The following ELF2 variants were observed in gnomAD, a reference collection of about 807,000 sequenced individuals.
ELF2 encodes the protein E74 like ETS transcription factor 2.
In ELF2, 11 loss-of-function variants were observed where a neutral mutation model predicts 54.8. That is an observed-to-expected ratio of 0.20 (90% CI 0.13 to 0.33). The LOEUF is 0.33. ELF2 is among the 10% of genes least tolerant of loss of function. The pLI is 1.00. For missense variants in ELF2, 513 were observed against 703.0 expected (o/e 0.73, Z 3.06); for synonymous variants, 203 against 245.1 (o/e 0.83, Z 1.61).
chr4:139,091,835 GA>G (rs965911708), intron 4 of ELF2, among the ~76,000 whole-genome samples: 4 of 151,448 alleles, frequency 2.6e-5, no homozygotes, highest in Non-Finnish European at 5.9e-5. Context: ...AGATGACATT[GA>G]AAAGATTAAT....
intron 4 of ELF2, 189 bp from the exon 5 acceptor site, chr4:139,073,756 C>G: frequency 3.1e-6 from 1 of 323,992 alleles, no homozygotes; most frequent in Non-Finnish European, 5.5e-6. Context: ...TTTTAAAAAG[C>G]TAATATCTAC....
At chr4:139,102,615 C>T (rs941279042) in intron 4 of ELF2, among the ~76,000 whole-genome samples, 1 of 151,182 alleles carries the variant, frequency 6.6e-6, no homozygotes, top group East Asian at 2.0e-4. Flanking sequence ...CTGAGGCAAG[C>T]GGATCATCTG....
At chr4:139,139,356 C>T in intron 2 of ELF2, 57 bp downstream of exon 2, 1 of 868,316 alleles carries the variant, frequency 1.2e-6, no homozygotes. Context: ...CATACTATCA[C>T]CATATAAGGT....
At chr4:139,065,568 G>A (rs1444888635) in intron 7 of ELF2, among the ~76,000 whole-genome samples, 1 of 152,172 alleles carries the variant, frequency 6.6e-6, no homozygotes, top group Admixed American at 6.5e-5. Flanking sequence ...TAAGGAATTT[G>A]CCTATGACTA....
At chr4:139,164,712 A>G (rs1741550143) in intron 1 of ELF2, among the ~76,000 whole-genome samples, 1 of 152,064 alleles carries the variant, frequency 6.6e-6, no homozygotes, top group South Asian at 2.1e-4. Flanking sequence ...ATCTGTTCTT[A>G]GTAAAAATTG....
intron 1 of ELF2, among the ~76,000 whole-genome samples, chr4:139,153,547 C>T (rs994461455): frequency 6.6e-6 from 1 of 152,182 alleles, no homozygotes; most frequent in Admixed American, 6.5e-5. Flanking sequence ...TCACGCAAAA[C>T]TGCCTCCCAC....
chr4:139,104,146 A>C (rs112422941), intron 4 of ELF2, among the ~76,000 whole-genome samples: 2 of 152,064 alleles, frequency 1.3e-5, no homozygotes, highest in African/African-American at 4.8e-5. Context: ...ACAACAAAAA[A>C]CTGTTATTCT....
At chr4:139,141,086 A>G (rs1199775226) in intron 1 of ELF2, among the ~76,000 whole-genome samples, 1 of 151,858 alleles carries the variant, frequency 6.6e-6, no homozygotes, top group African/African-American at 2.4e-5. Flanking sequence ...CTCTCTGGCT[A>G]CTCCCTTTCA....
intron 4 of ELF2, among the ~76,000 whole-genome samples, chr4:139,120,727 A>T (rs1736230225): frequency 6.6e-6 from 1 of 151,904 alleles, no homozygotes; most frequent in Non-Finnish European, 1.5e-5. Context: ...GCCCCCTAGT[A>T]TTTCCTACTT....
intron 7 of ELF2, 22 bp from the exon 8 acceptor site, chr4:139,062,079 T>C (rs183004036): frequency 1.9e-6 from 3 of 1,593,242 alleles, no homozygotes; most frequent in African/African-American, 2.7e-5. Flanking sequence ...ATGACAGACA[T>C]TGATTAAAAT....
chr4:139,139,283 T>C (rs929211365), intron 2 of ELF2, 130 bp downstream of exon 2: 11 of 435,646 alleles, frequency 2.5e-5, no homozygotes, highest in Non-Finnish European at 3.6e-5. Flanking sequence ...CTTATAAACA[T>C]AAAATGGAAC....
chr4:139,155,383 G>C (rs910450406), intron 1 of ELF2: 1 of 152,176 alleles, frequency 6.6e-6, no homozygotes, highest in African/African-American at 2.4e-5. Flanking sequence ...ATCAGTAGTG[G>C]AATCATGCCT....
At chr4:139,105,522 A>T (rs1209492586) in intron 4 of ELF2, among the ~76,000 whole-genome samples, 1 of 152,214 alleles carries the variant, frequency 6.6e-6, no homozygotes, top group Non-Finnish European at 1.5e-5. Flanking sequence ...GAGTTAACTG[A>T]ATTTTAACAA....
chr4:139,085,496 G>A (rs950038714), intron 4 of ELF2, among the ~76,000 whole-genome samples: 3 of 152,138 alleles, frequency 2.0e-5, no homozygotes, highest in African/African-American at 7.2e-5. Context: ...ATATTAATGC[G>A]ATATCATCTT....
intron 1 of ELF2, among the ~76,000 whole-genome samples, chr4:139,172,348 A>G (rs999888769): frequency 6.6e-6 from 1 of 152,198 alleles, no homozygotes; most frequent in African/African-American, 2.4e-5. Context: ...GAAATAATCT[A>G]CGTTTTAAAT....
At chr4:139,154,720 CAA>C (rs1165178777) in intron 1 of ELF2, among the ~76,000 whole-genome samples, 1 of 148,668 alleles carries the variant, frequency 6.7e-6, no homozygotes, top group East Asian at 1.9e-4. Flanking sequence ...GAGTGCAGGA[CAA>C]AAGAGTTCTA....
intron 4 of ELF2, among the ~76,000 whole-genome samples, chr4:139,099,803 A>T (rs964282765): frequency 6.6e-6 from 1 of 152,240 alleles, no homozygotes; most frequent in Non-Finnish European, 1.5e-5. Context: ...AAAACAAAAC[A>T]CATTAAATAA....
Position 139,137,707 on chromosome 4 carries a change from T to A in ELF2, c.-6A>T. ...TCAACCACTGCTGATGTCATTGTTATTCCCTGAGGAAGCTTCAAACGCTAT... is the reference window on the plus strand; with the variant it reads ...TCAACCACTGCTGATGTCATTGTTAATCCCTGAGGAAGCTTCAAACGCTAT... On this transcript the variant is annotated 5_prime_UTR_variant, in exon 3 of 10. Coordinates refer to ENST00000686138, the MANE Select transcript of ELF2 (RefSeq NM_001331036.3). 6.2e-7 allele frequency: 1 copy of A among 1,613,928 alleles called. No individual in the cohort carries two copies. The highest frequency in any genetic ancestry group is 1.3e-5 in the African/African-American group (1 of 75,066).
chr4:139,114,148 T>C (rs1207975416), intron 4 of ELF2, among the ~76,000 whole-genome samples: 2 of 152,376 alleles, frequency 1.3e-5, no homozygotes, highest in South Asian at 2.1e-4. Flanking sequence ...GAAGTAAATA[T>C]GTCATATTAA....
Sources: gnomAD v4.1 joint callset for allele counts (sites outside exome capture counted in the v4.1 genomes callset) on GRCh38, gnomAD v4.1.1 for gene constraint, MANE v1.5 for transcripts, NCBI Gene and HGNC (gene_info 2026-07-23, HGNC 2026-07-21) for gene names.